CD84: variants seen among roughly 807,000 people sequenced by gnomAD.
The protein encoded by CD84 is CD84 molecule, also known as SLAM family member 5.
CD84 carries 22 observed loss-of-function variants against 33.8 expected under a neutral mutation model. That is an observed-to-expected ratio of 0.65 (90% CI 0.46 to 0.93). The LOEUF is 0.93. Among genes scored for constraint, CD84 ranks in the 40% least tolerant of loss-of-function variants. CD84 has a pLI of 0.00. For synonymous variants in CD84, 154 were observed against 145.2 expected (o/e 1.06, Z -0.44); for missense variants, 400 against 397.6 (o/e 1.01, Z -0.05).
intron 1 of CD84, among the ~76,000 whole-genome samples, chr1:160,567,619 G>A (rs1244022574): frequency 1.3e-5 from 2 of 152,172 alleles, no homozygotes; most frequent in African/African-American, 4.8e-5. Context: ...TCACAGCCTA[G>A]AAAATAAGAC....
chr1:160,569,762 G>A (rs1473802304), intron 1 of CD84, among the ~76,000 whole-genome samples: 1 of 152,116 alleles, frequency 6.6e-6, no homozygotes, highest in Admixed American at 6.6e-5. Flanking sequence ...GAAAGGAGGG[G>A]TGTCTCAAGT....
At chr1:160,556,617 G>A (rs1391888717) in intron 2 of CD84, among the ~76,000 whole-genome samples, 1 of 152,184 alleles carries the variant, frequency 6.6e-6, no homozygotes, top group Non-Finnish European at 1.5e-5. Context: ...TGCATACAGT[G>A]CTTAAATATG....
intron 2 of CD84, among the ~76,000 whole-genome samples, chr1:160,564,233 G>A (rs1657176850): frequency 6.6e-6 from 1 of 152,084 alleles, no homozygotes; most frequent in African/African-American, 2.4e-5. Flanking sequence ...AAACTAAATT[G>A]AGTTATCACT....
At chr1:160,578,748 T>C (rs1431388966) in intron 1 of CD84, among the ~76,000 whole-genome samples, 2 of 152,202 alleles carry the variant, frequency 1.3e-5, no homozygotes, top group African/African-American at 4.8e-5. Context: ...AGTTTACTGT[T>C]ATGCCATAAG....
rs937641497 is a variant in CD84, at chr1:160,541,554, G to A, written c.*6702C>T. 2 of 152,146 alleles carry A rather than the reference G, an allele frequency of 1.3e-5. No homozygotes were observed. The highest frequency in any genetic ancestry group is 6.5e-5 in the Admixed American group (1 of 15,274). The allele number at this position is 152,146 out of a possible 1,614,324, so 9.4% of individuals were successfully genotyped here. A position where few individuals can be genotyped will look rare whatever the true frequency, so the allele number is the denominator to read the frequency against. On this transcript the variant is annotated 3_prime_UTR_variant, in exon 7 of 7. Coordinates refer to ENST00000368054, the MANE Select transcript of CD84 (RefSeq NM_003874.4). ...GTATAAATAGAGGGCAATATATTTC[G>A]CTTTGGACGGGAGGTTTTAGAAGGC...
chr1:160,551,480 A>G (rs1656217315), intron 4 of CD84: 1 of 184,740 alleles, frequency 5.4e-6, no homozygotes, highest in African/African-American at 2.4e-5. Context: ...AACCATCTCA[A>G]TGTTAAGCCC....
At chr1:160,568,675 C>A (rs916214744) in intron 1 of CD84, among the ~76,000 whole-genome samples, 3 of 152,268 alleles carry the variant, frequency 2.0e-5, no homozygotes, top group African/African-American at 7.2e-5. Flanking sequence ...CGCTGGAGTG[C>A]AGTGGAGTGA....
Position 160,541,601 on chromosome 1 carries a change from C to T in CD84, c.*6655G>A, listed in dbSNP as rs1028992226. 1.3e-5 allele frequency: 2 copies of T among 152,164 alleles called. No homozygotes were observed. The highest frequency in any genetic ancestry group is 2.9e-5 in the Non-Finnish European group (2 of 68,066). 9.4% of individuals were successfully genotyped at this position (152,164 alleles called of 1,614,324 possible). A position where few individuals can be genotyped will look rare whatever the true frequency, so the allele number is the denominator to read the frequency against. On this transcript the variant is annotated 3_prime_UTR_variant, in exon 7 of 7. Coordinates refer to ENST00000368054, the MANE Select transcript of CD84 (RefSeq NM_003874.4). The stretch of plus-strand genomic sequence containing the variant: ...AGGCCGCACAAGAGGGATATTCAGT[C>T]TGATGCTTGATGTAGACAGAAGGGA...
Position 160,544,463 on chromosome 1 carries a change from A to G in CD84, c.*3793T>C, listed in dbSNP as rs563180227. On this transcript the variant is annotated 3_prime_UTR_variant, in exon 7 of 7. Transcript: ENST00000368054. Reference sequence around the variant, plus strand: ...CCTGGCCTTCAAGCTTCATTTTACAATCAGTAGACACTGTCACTAATTATT... The same window carrying G: ...CCTGGCCTTCAAGCTTCATTTTACAGTCAGTAGACACTGTCACTAATTATT... 2.0e-5 allele frequency: 3 copies of G among 152,252 alleles called. No homozygotes were observed. The East Asian group carries it at 5.8e-4, about 29-fold the overall frequency. The allele number at this position is 152,252 out of a possible 1,614,324, so 9.4% of individuals were successfully genotyped here.
Position 160,541,653 on chromosome 1 carries a change from C to T in CD84, c.*6603G>A, listed in dbSNP as rs1231056268. On this transcript the variant is annotated 3_prime_UTR_variant, in exon 7 of 7. Transcript: ENST00000368054. ...AGAAGGGCATCCCAGACAACATGGG[C>T]AAAGGCATGGGAGGATTTGGTGGGT... The T allele has an allele frequency of 6.6e-6, 1 of 152,192 alleles. No individual in the cohort carries two copies. Among genetic ancestry groups the T allele is most frequent in the African/African-American group, 2.4e-5 (1 of 41,408 alleles). The allele number at this position is 152,192 out of a possible 1,614,324, so 9.4% of individuals were successfully genotyped here.
At chr1:160,550,889 T>G (rs1446887658) in intron 5 of CD84, 49 bp downstream of exon 5, 2 of 1,601,466 alleles carry the variant, frequency 1.2e-6, no homozygotes, top group African/African-American at 1.3e-5. Context: ...CATGACTCCC[T>G]GTCATGGAGA....
chr1:160,564,695 A>G (rs1657209512), intron 2 of CD84, among the ~76,000 whole-genome samples: 1 of 152,186 alleles, frequency 6.6e-6, no homozygotes, highest in Non-Finnish European at 1.5e-5. Context: ...CATCTACATA[A>G]CATGTGTGAA....
At chr1:160,554,991 C>T (rs1251669935) in intron 2 of CD84, among the ~76,000 whole-genome samples, 1 of 151,108 alleles carries the variant, frequency 6.6e-6, no homozygotes, top group Non-Finnish European at 1.5e-5. Context: ...AAAATTTGTA[C>T]TAAACATAAA....
intron 2 of CD84, among the ~76,000 whole-genome samples, chr1:160,556,805 G>T (rs1310174656): frequency 6.6e-6 from 1 of 152,092 alleles, no homozygotes; most frequent in Non-Finnish European, 1.5e-5. Context: ...AATTGCACGT[G>T]GTAGAAGACT....
Position 160,554,177 on chromosome 1 carries a change from A to G in CD84, c.389-31T>C, listed in dbSNP as rs370149845. On this transcript the variant is annotated intron_variant, in intron 2 of 6. Coordinates refer to ENST00000368054, the MANE Select transcript of CD84 (RefSeq NM_003874.4). The stretch of plus-strand genomic sequence containing the variant: ...GGGGCAAACACATGAGCCAATAGTG[A>G]GCTGGAGCTGGCTTGTACTAGTTTG... 2.4e-5 allele frequency: 38 copies of G among 1,575,802 alleles called. No individual in the cohort carries two copies. In the African/African-American group the frequency reaches 4.8e-4, roughly 20 times the overall value.
intron 2 of CD84, among the ~76,000 whole-genome samples, chr1:160,564,879 A>G (rs1287773258): frequency 6.6e-6 from 1 of 152,208 alleles, no homozygotes. Flanking sequence ...AGCTACACAC[A>G]TACTCACACA....
intron 4 of CD84, chr1:160,553,148 T>C (rs1656350571): frequency 4.4e-6 from 3 of 685,350 alleles, no homozygotes; most frequent in Admixed American, 2.4e-5. Flanking sequence ...CTCGAACCCA[T>C]GTTCTGGGCC....
chr1:160,564,304 G>A (rs1294420229), intron 2 of CD84, among the ~76,000 whole-genome samples: 1 of 152,178 alleles, frequency 6.6e-6, no homozygotes, highest in Non-Finnish European at 1.5e-5. Flanking sequence ...TGAGGATGTA[G>A]AGAAACTGGA....
At position 160,545,617 on chromosome 1, in the gene CD84, CTGA is replaced by C. The variant is rs1655786423; in HGVS notation, c.*2636_*2638del. Reference sequence around the variant, plus strand: ...AGGAACAGCCTCTGATGTATGCATCCTGATATTATTTTATTTTATTTTTATTTT... The same window carrying C: ...AGGAACAGCCTCTGATGTATGCATCCTATTATTTTATTTTATTTTTATTTT... On this transcript the variant is annotated 3_prime_UTR_variant, in exon 7 of 7. Transcript: ENST00000368054. 1 of 152,048 alleles carries C rather than the reference CTGA, an allele frequency of 6.6e-6. No homozygotes were observed. The highest frequency in any genetic ancestry group is 2.4e-5 in the African/African-American group (1 of 41,398). 9.4% of individuals were successfully genotyped at this position (152,048 alleles called of 1,614,324 possible).
Sources: gnomAD v4.1 joint callset for allele counts (sites outside exome capture counted in the v4.1 genomes callset) on GRCh38, gnomAD v4.1.1 for gene constraint, MANE v1.5 for transcripts, NCBI Gene and HGNC (gene_info 2026-07-23, HGNC 2026-07-21) for gene names.